The following TPRG1 variants were observed in gnomAD, a reference collection of about 807,000 sequenced individuals.
TPRG1 encodes tumor protein p63-regulated gene 1 protein.
TPRG1 carries 29 observed loss-of-function variants against 29.3 expected under a neutral mutation model. That is an observed-to-expected ratio of 0.99 (90% CI 0.74 to 1.35). TPRG1 has a LOEUF of 1.35. TPRG1 is among the 40% of genes most tolerant of loss of function. The pLI is 0.00. For missense variants in TPRG1, 327 were observed against 335.0 expected (o/e 0.98, Z 0.19); for synonymous variants, 130 against 116.8 (o/e 1.11, Z -0.73).
At chr3:189,287,432 C>G (rs1019066683) in intron 4 of TPRG1, among the ~76,000 whole-genome samples, 1 of 148,684 alleles carries the variant, frequency 6.7e-6, no homozygotes, top group Non-Finnish European at 1.5e-5. Context: ...GAGTCTTGCT[C>G]TGTTGCCCAG....
chr3:189,324,456 A>G lies in TPRG1; in HGVS notation c.*3636A>G, dbSNP rs780518428. The G allele has an allele frequency of 3.3e-5, 5 of 152,160 alleles. No homozygotes were observed. Among genetic ancestry groups the G allele is most frequent in the Non-Finnish European group, 7.3e-5 (5 of 68,028 alleles). 9.4% of individuals were successfully genotyped at this position (152,160 alleles called of 1,614,324 possible). Reference sequence around the variant, plus strand: ...ATCGTAGTTGTTGAGATAATTTTGAAATGAGAAAACAATAGGGCACAGTCG... The same window carrying G: ...ATCGTAGTTGTTGAGATAATTTTGAGATGAGAAAACAATAGGGCACAGTCG... On this transcript the variant is annotated 3_prime_UTR_variant, in exon 6 of 6. Coordinates refer to ENST00000345063, the MANE Select transcript of TPRG1 (RefSeq NM_198485.4).
chr3:189,103,676 T>G (rs182861977), intron 1 of TPRG1, among the ~76,000 whole-genome samples: 2 of 152,220 alleles, frequency 1.3e-5, no homozygotes, highest in East Asian at 1.9e-4. Context: ...CAAAAGAATT[T>G]TTTGAAGGAT....
intron 4 of TPRG1, among the ~76,000 whole-genome samples, chr3:189,026,529 G>A (rs1713671824): frequency 6.6e-6 from 1 of 152,160 alleles, no homozygotes; most frequent in South Asian, 2.1e-4. Flanking sequence ...TGGTATTGGG[G>A]AAGTTTTTTC....
intron 3 of TPRG1, among the ~76,000 whole-genome samples, chr3:189,020,825 G>A (rs1410202370): frequency 1.7e-5 from 1 of 58,396 alleles, no homozygotes; most frequent in Non-Finnish European, 3.8e-5. Flanking sequence ...AATGTTGACA[G>A]TGGGGTGTTA....
chr3:189,108,552 G>A (rs1383618556), intron 1 of TPRG1, among the ~76,000 whole-genome samples: 9 of 147,304 alleles, frequency 6.1e-5, no homozygotes, highest in African/African-American at 1.5e-4. Flanking sequence ...TTTTCGCCTC[G>A]GAACAACTGT....
rs117813579 is a variant in TPRG1, at chr3:189,054,715, G to A, written c.-463+30769G>A. Among the ~76,000 whole-genome samples the A allele has an allele frequency of 1.5e-3, 227 of 152,154 alleles. 4 individuals are homozygous for A. In the East Asian group the frequency reaches 0.031, roughly 21 times the overall value. ...GAGGATCACTTGAGCCCAGGGTAGAGGTTATGGTGAGCTATGATTGCGTGA... is the reference window on the plus strand; with the variant it reads ...GAGGATCACTTGAGCCCAGGGTAGAAGTTATGGTGAGCTATGATTGCGTGA... On this transcript the variant is annotated intron_variant, in intron 4 of 10. Coordinates refer to the TPRG1 transcript ENST00000433971.
intron 5 of TPRG1, among the ~76,000 whole-genome samples, chr3:189,318,064 G>C (rs1408716111): frequency 6.6e-6 from 1 of 152,170 alleles, no homozygotes; most frequent in Non-Finnish European, 1.5e-5. Context: ...CCAGCAGCGT[G>C]ACTTCTCAAG....
chr3:189,290,057 A>G (rs1718742570), intron 4 of TPRG1, among the ~76,000 whole-genome samples: 1 of 152,362 alleles, frequency 6.6e-6, no homozygotes, highest in Non-Finnish European at 1.5e-5. Flanking sequence ...AATTGCAAAT[A>G]AATTTTGTGT....
chr3:189,206,084 C>A (rs1280742524), intron 1 of TPRG1, among the ~76,000 whole-genome samples: 2 of 105,214 alleles, frequency 1.9e-5, no homozygotes, highest in Non-Finnish European at 4.1e-5. Context: ...CTTTCTTTTT[C>A]TTTCTTTCTT....
intron 4 of TPRG1, among the ~76,000 whole-genome samples, chr3:189,292,431 A>G (rs771931680): frequency 1.3e-5 from 2 of 151,620 alleles, no homozygotes; most frequent in African/African-American, 4.9e-5. Flanking sequence ...TCCACATACT[A>G]TTTTGGTGAC....
At chr3:189,099,274 G>A (rs1270475858), upstream of TPRG1, among the ~76,000 whole-genome samples, 1 of 152,190 alleles carries the variant, frequency 6.6e-6, no homozygotes, top group Admixed American at 6.5e-5. Context: ...GATGCCAGAT[G>A]AAATATGCCC....
chr3:189,240,179 CA>C (rs1333209116), intron 4 of TPRG1: 2 of 151,868 alleles, frequency 1.3e-5, no homozygotes, highest in Non-Finnish European at 2.9e-5. Context: ...TTCATGGATG[CA>C]AAAAGTGATT....
chr3:189,104,112 C>T (rs1422135620), intron 1 of TPRG1, among the ~76,000 whole-genome samples: 1 of 152,142 alleles, frequency 6.6e-6, no homozygotes, highest in East Asian at 1.9e-4. Context: ...GCTACATAGA[C>T]AAGGCAGTAG....
chr3:189,107,749 T>C (rs1252590411), intron 1 of TPRG1, among the ~76,000 whole-genome samples: 1 of 152,186 alleles, frequency 6.6e-6, no homozygotes, highest in Non-Finnish European at 1.5e-5. Context: ...TGATACATAA[T>C]TTTAAAAGCA....
At chr3:189,062,740 C>T (rs1266266696) in intron 4 of TPRG1, among the ~76,000 whole-genome samples, 1 of 151,846 alleles carries the variant, frequency 6.6e-6, no homozygotes, top group East Asian at 1.9e-4. Flanking sequence ...CCCCACCCCA[C>T]AAAAAACTAC....
chr3:189,233,590 C>A (rs78295558), intron 3 of TPRG1, among the ~76,000 whole-genome samples: 1 of 152,156 alleles, frequency 6.6e-6, no homozygotes, highest in Non-Finnish European at 1.5e-5. Flanking sequence ...CAGACTCCTT[C>A]GCCAGGGAAG....
chr3:189,218,891 G>A (rs1736503576), intron 3 of TPRG1, among the ~76,000 whole-genome samples: 2 of 152,168 alleles, frequency 1.3e-5, no homozygotes, highest in Admixed American at 1.3e-4. Context: ...ATGTAGGAGG[G>A]CAAGGTGGGA....
At position 189,172,059 on chromosome 3, in the gene TPRG1, C is replaced by T; in HGVS notation, c.-82C>T. On this transcript the variant is annotated 5_prime_UTR_variant, in exon 1 of 6. Coordinates refer to ENST00000345063, the MANE Select transcript of TPRG1 (RefSeq NM_198485.4). ...TTTATCTGAGCCAATCACACCTCTC[C>T]TGGCCACTATCTGTGGTCTAGCCCC... The T allele has an allele frequency of 6.6e-6, 1 of 152,262 alleles. No individual in the cohort carries two copies. The allele number at this position is 152,262 out of a possible 1,614,324, so 9.4% of individuals were successfully genotyped here. A position where few individuals can be genotyped will look rare whatever the true frequency, so the allele number is the denominator to read the frequency against.
intron 3 of TPRG1, among the ~76,000 whole-genome samples, chr3:189,226,797 C>CAAAAAA (rs1175619202): frequency 6.1e-5 from 5 of 81,566 alleles, no homozygotes; most frequent in Admixed American, 1.3e-4. Flanking sequence ...GCAAGGCTGA[C>CAAAAAA]AAAAAAAAAA....
Sources: gnomAD v4.1 joint callset for allele counts (sites outside exome capture counted in the v4.1 genomes callset) on GRCh38, gnomAD v4.1.1 for gene constraint, MANE v1.5 for transcripts, NCBI Gene and HGNC (gene_info 2026-07-23, HGNC 2026-07-21) for gene names.